Variants in NUDCD1 observed in about 807,000 individuals in gnomAD.
NUDCD1 encodes NudC domain containing 1, also known as nudC domain-containing protein 1.
In NUDCD1, 60 loss-of-function variants were observed where a neutral mutation model predicts 67.8. The observed-to-expected ratio is 0.88, with a 90% CI of 0.72 to 1.10. The LOEUF is 1.10. NUDCD1 is among the 50% of genes least tolerant of loss of function. NUDCD1 has a pLI of 0.00. For synonymous variants in NUDCD1, 244 were observed against 230.8 expected (o/e 1.06, Z -0.52); for missense variants, 643 against 695.0 (o/e 0.93, Z 0.84).
At chr8:109,292,839 C>T (rs777446810) in intron 4 of NUDCD1, among the ~76,000 whole-genome samples, 16 of 151,906 alleles carry the variant, frequency 1.1e-4, no homozygotes, top group Non-Finnish European at 1.9e-4. Context: ...GGGAGCACAT[C>T]AGGTAAGAAA....
At chr8:109,306,935 GC>G (rs1257667596) in intron 2 of NUDCD1, among the ~76,000 whole-genome samples, 15 of 151,684 alleles carry the variant, frequency 9.9e-5, no homozygotes, top group African/African-American at 3.6e-4. Flanking sequence ...GAGAAACATC[GC>G]CCATTATCTC....
At chr8:109,298,140 C>A (rs1229653735) in intron 2 of NUDCD1, among the ~76,000 whole-genome samples, 1 of 152,084 alleles carries the variant, frequency 6.6e-6, no homozygotes, top group Non-Finnish European at 1.5e-5. Flanking sequence ...GCAAGCAGAG[C>A]TCACATTAAG....
At chr8:109,329,589 C>T (rs59736634) in intron 1 of NUDCD1, among the ~76,000 whole-genome samples, 6,840 of 152,118 alleles carry the variant, frequency 0.045, 516 homozygotes, top group African/African-American at 0.15. Flanking sequence ...AAACTGTCAA[C>T]CTAGAATGCA....
chr8:109,305,979 T>C (rs1180358417), intron 2 of NUDCD1, among the ~76,000 whole-genome samples: 1 of 152,174 alleles, frequency 6.6e-6, no homozygotes, highest in Non-Finnish European at 1.5e-5. Flanking sequence ...CCCTTCATTC[T>C]ATTAGGTCTA....
At chr8:109,259,389 T>G (rs887622571) in intron 8 of NUDCD1, among the ~76,000 whole-genome samples, 4 of 152,164 alleles carry the variant, frequency 2.6e-5, no homozygotes, top group Non-Finnish European at 2.9e-5. Context: ...TTTACCAGCA[T>G]CTATGAAACT....
At chr8:109,264,903 T>C (rs1414933780) in intron 8 of NUDCD1, among the ~76,000 whole-genome samples, 1 of 151,842 alleles carries the variant, frequency 6.6e-6, no homozygotes, top group Non-Finnish European at 1.5e-5. Flanking sequence ...GAAAATATTA[T>C]TTATGTTAAT....
intron 7 of NUDCD1, among the ~76,000 whole-genome samples, chr8:109,271,368 C>T (rs1302161251): frequency 6.6e-6 from 1 of 152,010 alleles, no homozygotes; most frequent in Non-Finnish European, 1.5e-5. Context: ...GAAAACATAA[C>T]CATGTTGAGA....
At chr8:109,309,180 T>C (rs2980633) in intron 2 of NUDCD1, among the ~76,000 whole-genome samples, 54,809 of 151,402 alleles carry the variant, frequency 0.36, 10,715 homozygotes, top group South Asian at 0.5. Flanking sequence ...CAGAGAGATA[T>C]CCTTGATGAA....
chr8:109,263,235 C>T (rs1251556424), intron 8 of NUDCD1, among the ~76,000 whole-genome samples: 1 of 151,996 alleles, frequency 6.6e-6, no homozygotes. Context: ...GGGATGTTTG[C>T]ATAATGAACA....
At chr8:109,279,617 G>C (rs1814381543) in intron 6 of NUDCD1, among the ~76,000 whole-genome samples, 1 of 151,812 alleles carries the variant, frequency 6.6e-6, no homozygotes, top group South Asian at 2.1e-4. Flanking sequence ...TGTCTGTTTT[G>C]ATGAAGTCTA....
chr8:109,302,387 T>G (rs566942482), intron 2 of NUDCD1, among the ~76,000 whole-genome samples: 12 of 152,218 alleles, frequency 7.9e-5, no homozygotes, highest in African/African-American at 2.9e-4. Context: ...TCTTTCTTCT[T>G]TCTCTGCTGT....
At chr8:109,297,001 G>A (rs749204739) in intron 2 of NUDCD1, among the ~76,000 whole-genome samples, 2 of 152,112 alleles carry the variant, frequency 1.3e-5, no homozygotes, top group Non-Finnish European at 2.9e-5. Context: ...CCTGGCTATC[G>A]TTTTGGCTAT....
intron 8 of NUDCD1, among the ~76,000 whole-genome samples, chr8:109,251,723 T>A (rs1371275424): frequency 6.6e-6 from 1 of 152,032 alleles, no homozygotes; most frequent in Non-Finnish European, 1.5e-5. Context: ...AGTTTATTAG[T>A]TTTCTCTATT....
At chr8:109,322,265 A>C in intron 2 of NUDCD1, 44 bp downstream of exon 2, 1 of 1,090,328 alleles carries the variant, frequency 9.2e-7, no homozygotes, top group Non-Finnish European at 1.3e-6. Flanking sequence ...AATTTGCTTG[A>C]TATTACATAC....
chr8:109,333,310 C>G (rs759942934), intron 1 of NUDCD1, among the ~76,000 whole-genome samples: 1 of 152,168 alleles, frequency 6.6e-6, no homozygotes, highest in Non-Finnish European at 1.5e-5. Context: ...ATTCTACCAG[C>G]TACAGATAAA....
intron 4 of NUDCD1, among the ~76,000 whole-genome samples, chr8:109,291,145 A>T (rs527643605): frequency 1.3e-4 from 20 of 152,268 alleles, no homozygotes; most frequent in African/African-American, 4.6e-4. Flanking sequence ...GCTAGGTTAA[A>T]ATTAAATGTA....
At chr8:109,317,547 T>A (rs943987889) in intron 2 of NUDCD1, among the ~76,000 whole-genome samples, 1 of 152,100 alleles carries the variant, frequency 6.6e-6, no homozygotes, top group Admixed American at 6.5e-5. Context: ...TGAGAAAGGA[T>A]CCACAGGATC....
chr8:109,281,989 AG>A (rs991861473), intron 5 of NUDCD1, among the ~76,000 whole-genome samples: 6 of 152,008 alleles, frequency 3.9e-5, no homozygotes, highest in African/African-American at 1.4e-4. Flanking sequence ...CTAGATTAGG[AG>A]CTCATGCCAT....
intron 2 of NUDCD1, among the ~76,000 whole-genome samples, chr8:109,297,269 G>C (rs932491154): frequency 2.0e-5 from 3 of 152,184 alleles, no homozygotes; most frequent in African/African-American, 7.2e-5. Flanking sequence ...CCAGTCTGCG[G>C]TATGAAAACA....
Sources: allele counts gnomAD v4.1 joint callset (sites outside exome capture counted in the v4.1 genomes callset), GRCh38; gene constraint gnomAD v4.1.1; transcripts MANE v1.5; gene names NCBI Gene and HGNC (gene_info 2026-07-23, HGNC 2026-07-21).